RUNDC3B: variants seen among roughly 807,000 people sequenced by gnomAD.
RUNDC3B encodes the protein RUN domain containing 3B, also known as RUN domain-containing protein 3B.
In RUNDC3B, 33 loss-of-function variants were observed where a neutral mutation model predicts 58.4. The observed-to-expected ratio is 0.56, with a 90% CI of 0.43 to 0.75. RUNDC3B has a LOEUF of 0.75. RUNDC3B is among the 30% of genes least tolerant of loss of function. RUNDC3B has a pLI of 0.00. For synonymous variants in RUNDC3B, 193 were observed against 195.2 expected (o/e 0.99, Z 0.10); for missense variants, 501 against 535.7 (o/e 0.94, Z 0.64).
intron 2 of RUNDC3B, among the ~76,000 whole-genome samples, chr7:87,675,015 C>T (rs560520961): frequency 6.6e-6 from 1 of 152,348 alleles, no homozygotes; most frequent in African/African-American, 2.4e-5. Flanking sequence ...TTTCAGGCAT[C>T]TCTCCCTGCC....
intron 6 of RUNDC3B, among the ~76,000 whole-genome samples, chr7:87,743,255 C>T (rs750204770): frequency 2.0e-5 from 3 of 152,114 alleles, no homozygotes; most frequent in Non-Finnish European, 4.4e-5. Flanking sequence ...TTTGCAGTTG[C>T]GAATTGTGCT....
At chr7:87,721,912 A>G (rs1194538588) in intron 4 of RUNDC3B, among the ~76,000 whole-genome samples, 2 of 151,088 alleles carry the variant, frequency 1.3e-5, no homozygotes, top group Non-Finnish European at 3.0e-5. Context: ...TGCATTTTTT[A>G]TTATTTCTGT....
chr7:87,746,775 A>G (rs78094342), intron 6 of RUNDC3B, among the ~76,000 whole-genome samples: 2,127 of 152,274 alleles, frequency 0.014, 48 homozygotes, highest in African/African-American at 0.049. Flanking sequence ...GCAGTTCTGT[A>G]TCATTTAAGT....
chr7:87,696,142 G>T (rs981944007), intron 2 of RUNDC3B, among the ~76,000 whole-genome samples: 2 of 152,132 alleles, frequency 1.3e-5, no homozygotes, highest in African/African-American at 4.8e-5. Flanking sequence ...AAAGCATATT[G>T]TATACCTATA....
intron 10 of RUNDC3B, among the ~76,000 whole-genome samples, chr7:87,828,714 A>T (rs1837972657): frequency 6.6e-6 from 1 of 152,104 alleles, no homozygotes. Context: ...TGGCAGAATG[A>T]TTTATTTTCT....
At chr7:87,675,775 T>C (rs1002825454) in intron 2 of RUNDC3B, among the ~76,000 whole-genome samples, 1 of 151,366 alleles carries the variant, frequency 6.6e-6, no homozygotes, top group Non-Finnish European at 1.5e-5. Context: ...AATTAAATAA[T>C]TTAACATAAG....
chr7:87,644,996 A>G (rs2130326005), intron 1 of RUNDC3B, among the ~76,000 whole-genome samples: 2 of 151,226 alleles, frequency 1.3e-5, no homozygotes, highest in Middle Eastern at 7.0e-3. Flanking sequence ...TAACCATCTC[A>G]TTTCTCTTGC....
At position 87,628,950 on chromosome 7, in the gene RUNDC3B, G is replaced by C. The variant is rs1820894771; in HGVS notation, c.122+5G>C. ...GAACCTGATCACCGTGTGCAGGTAC[G>C]GCAGCGCAGGGCGAGGGGAACCAGC... is the stretch of plus-strand genomic sequence containing the variant. On this transcript the variant is annotated splice_donor_5th_base_variant and intron_variant, in intron 1 of 10. Coordinates refer to ENST00000394654, the MANE Select transcript of RUNDC3B (RefSeq NM_001134405.2). 4.6e-6 allele frequency: 6 copies of C among 1,309,002 alleles called. No homozygotes were observed. Among genetic ancestry groups the C allele is most frequent in the Non-Finnish European group, 5.9e-6 (6 of 1,020,208 alleles). 81.1% of individuals were successfully genotyped at this position (1,309,002 alleles called of 1,614,324 possible).
chr7:87,745,076 A>T (rs192639466), intron 6 of RUNDC3B, among the ~76,000 whole-genome samples: 4 of 152,246 alleles, frequency 2.6e-5, no homozygotes, highest in African/African-American at 9.6e-5. Context: ...TGAGATGATC[A>T]TGTGATTTGT....
intron 4 of RUNDC3B, among the ~76,000 whole-genome samples, chr7:87,715,249 T>TATATTATATATAATTAATTTATA (rs1391602830): frequency 1.4e-4 from 17 of 119,172 alleles, no homozygotes; most frequent in African/African-American, 6.5e-5. Context: ...TATATATAAT[T>TATATTATATATAATTAATTTATA]ATATTATATA....
At chr7:87,676,164 C>G (rs749957164) in intron 2 of RUNDC3B, among the ~76,000 whole-genome samples, 5 of 151,966 alleles carry the variant, frequency 3.3e-5, no homozygotes, top group Admixed American at 1.3e-4. Flanking sequence ...GAGTTTGAGG[C>G]TTCAGTGAGC....
intron 1 of RUNDC3B, among the ~76,000 whole-genome samples, chr7:87,649,894 G>T (rs778117869): frequency 1.3e-5 from 2 of 152,086 alleles, no homozygotes; most frequent in African/African-American, 2.4e-5. Context: ...GCTCTCTTGC[G>T]TGCTGCCATG....
At chr7:87,797,752 A>G (rs1360366183) in intron 8 of RUNDC3B, among the ~76,000 whole-genome samples, 1 of 150,964 alleles carries the variant, frequency 6.6e-6, no homozygotes, top group Non-Finnish European at 1.5e-5. Context: ...CTGATGTCCT[A>G]CCTCTTTTTA....
intron 1 of RUNDC3B, among the ~76,000 whole-genome samples, chr7:87,649,479 GAAAT>G (rs1823358022): frequency 6.6e-6 from 1 of 152,122 alleles, no homozygotes; most frequent in South Asian, 2.1e-4. Flanking sequence ...TCTCTTAAGG[GAAAT>G]AAATGCAAAT....
At chr7:87,746,182 A>G (rs1466120860) in intron 6 of RUNDC3B, among the ~76,000 whole-genome samples, 2 of 151,936 alleles carry the variant, frequency 1.3e-5, no homozygotes, top group Non-Finnish European at 2.9e-5. Context: ...TATAATTTCA[A>G]TTTTCTTAAA....
chr7:87,765,578 A>T (rs1185352169), intron 6 of RUNDC3B, among the ~76,000 whole-genome samples: 1 of 152,054 alleles, frequency 6.6e-6, no homozygotes, highest in African/African-American at 2.4e-5. Flanking sequence ...CAAGTTGTTT[A>T]GTTTCTACAT....
chr7:87,821,837 T>C (rs974573912), intron 10 of RUNDC3B, among the ~76,000 whole-genome samples: 2 of 152,188 alleles, frequency 1.3e-5, no homozygotes, highest in African/African-American at 2.4e-5. Context: ...TGGCTAGCCA[T>C]ATGTAGAAAG....
At chr7:87,754,153 C>T (rs542145182) in intron 6 of RUNDC3B, among the ~76,000 whole-genome samples, 1 of 152,288 alleles carries the variant, frequency 6.6e-6, no homozygotes, top group East Asian at 1.9e-4. Context: ...CTCATCGCCA[C>T]ATGGCACATA....
intron 6 of RUNDC3B, among the ~76,000 whole-genome samples, chr7:87,742,659 T>A (rs1168725939): frequency 6.6e-6 from 1 of 152,164 alleles, no homozygotes; most frequent in Non-Finnish European, 1.5e-5. Context: ...AGCTTTTATT[T>A]GTCTATAATT....
Sources: allele counts gnomAD v4.1 joint callset (sites outside exome capture counted in the v4.1 genomes callset), GRCh38; gene constraint gnomAD v4.1.1; transcripts MANE v1.5; gene names NCBI Gene and HGNC (gene_info 2026-07-23, HGNC 2026-07-21).